The following MRPS27 variants were observed in gnomAD, a reference collection of about 807,000 sequenced individuals.
MRPS27 encodes small ribosomal subunit protein mS27.
MRPS27 carries 43 observed loss-of-function variants against 48.9 expected under a neutral mutation model. The observed-to-expected ratio is 0.88, with a 90% CI of 0.69 to 1.13. MRPS27 has a LOEUF of 1.13. Among genes scored for constraint, MRPS27 ranks in the 50% most tolerant of loss-of-function variants. The probability of loss-of-function intolerance (pLI) is 0.00; values close to 1 mark genes in which losing one functional copy is unlikely to be tolerated. For missense variants in MRPS27, 467 were observed against 476.3 expected (o/e 0.98, Z 0.18); for synonymous variants, 188 against 171.9 (o/e 1.09, Z -0.73).
intron 3 of MRPS27, among the ~76,000 whole-genome samples, chr5:72,296,075 C>T (rs896029911): frequency 1.3e-5 from 2 of 152,122 alleles, no homozygotes; most frequent in African/African-American, 4.8e-5. Context: ...TGATTTAGCT[C>T]TGCTATGCAA....
intron 5 of MRPS27, among the ~76,000 whole-genome samples, chr5:72,235,585 G>A (rs1052852583): frequency 6.6e-5 from 10 of 152,150 alleles, no homozygotes; most frequent in African/African-American, 2.4e-4. Context: ...TATGAGGAAG[G>A]CTATGCATGT....
chr5:72,299,337 G>C (rs1216546509), intron 2 of MRPS27, among the ~76,000 whole-genome samples: 1 of 151,788 alleles, frequency 6.6e-6, no homozygotes, highest in Admixed American at 6.6e-5. Context: ...AAAAGACCTG[G>C]GATGGGGAGG....
intron 4 of MRPS27, among the ~76,000 whole-genome samples, chr5:72,272,027 A>G (rs1042986326): frequency 6.6e-6 from 1 of 152,138 alleles, no homozygotes; most frequent in African/African-American, 2.4e-5. Context: ...CCTCTAAACA[A>G]ACAAACAAAC....
intron 3 of MRPS27, among the ~76,000 whole-genome samples, chr5:72,296,614 A>T (rs1749989095): frequency 6.6e-6 from 1 of 152,230 alleles, no homozygotes; most frequent in Admixed American, 6.5e-5. Context: ...AGTTTTACCC[A>T]TCATGTAAGG....
chr5:72,284,490 G>C (rs1476540433), intron 4 of MRPS27, among the ~76,000 whole-genome samples: 1 of 151,310 alleles, frequency 6.6e-6, no homozygotes, highest in East Asian at 1.9e-4. Flanking sequence ...GAGAGAGATG[G>C]AAAAAGAGAA....
intron 7 of MRPS27, among the ~76,000 whole-genome samples, chr5:72,232,238 C>T (rs568065352): frequency 2.0e-5 from 3 of 152,246 alleles, no homozygotes; most frequent in African/African-American, 7.2e-5. Flanking sequence ...AAAATATGCA[C>T]GAGGACTTTC....
At chr5:72,228,704 T>C (rs1747965339) in intron 7 of MRPS27, 1 of 195,338 alleles carries the variant, frequency 5.1e-6, no homozygotes, top group Non-Finnish European at 1.0e-5. Context: ...AAAACACAAA[T>C]AAAGAGTACA....
chr5:72,237,231 A>G (rs1748219879), intron 5 of MRPS27, among the ~76,000 whole-genome samples: 1 of 152,072 alleles, frequency 6.6e-6, no homozygotes, highest in Non-Finnish European at 1.5e-5. Flanking sequence ...ATTAAACTGT[A>G]AACTTCCTGA....
chr5:72,312,935 A>G (rs538579465), intron 2 of MRPS27, among the ~76,000 whole-genome samples: 11 of 152,150 alleles, frequency 7.2e-5, no homozygotes, highest in Non-Finnish European at 1.6e-4. Flanking sequence ...GGTTTTTAAA[A>G]CAGTAAGTAT....
chr5:72,237,524 T>C (rs1748230755), intron 5 of MRPS27, among the ~76,000 whole-genome samples: 1 of 152,184 alleles, frequency 6.6e-6, no homozygotes, highest in African/African-American at 2.4e-5. Context: ...AATAACATTC[T>C]AAACCTCTGT....
chr5:72,301,190 TG>T (rs1750118574), intron 2 of MRPS27, among the ~76,000 whole-genome samples: 1 of 152,206 alleles, frequency 6.6e-6, no homozygotes, highest in Admixed American at 6.5e-5. Context: ...CAGTACCTAC[TG>T]GGGGAAAACA....
intron 4 of MRPS27, among the ~76,000 whole-genome samples, chr5:72,243,662 CA>C (rs1748425471): frequency 6.6e-6 from 1 of 152,162 alleles, no homozygotes; most frequent in South Asian, 2.1e-4. Flanking sequence ...GAGTCCCCTC[CA>C]AAACACCTCT....
intron 8 of MRPS27, chr5:72,228,051 G>A (rs987238860): frequency 1.6e-5 from 9 of 570,612 alleles, no homozygotes; most frequent in Non-Finnish European, 2.8e-5. Context: ...ACCAGAACTA[G>A]TTCTTGCTTT....
rs1455787522 is a variant in MRPS27, at chr5:72,220,658, G to A, written c.*251C>T. 6 of 501,182 alleles carry A rather than the reference G, an allele frequency of 1.2e-5. No individual in the cohort carries two copies. 31.0% of individuals were successfully genotyped at this position (501,182 alleles called of 1,614,324 possible). On this transcript the variant is annotated 3_prime_UTR_variant, in exon 11 of 11. Coordinates refer to ENST00000261413, the MANE Select transcript of MRPS27 (RefSeq NM_015084.3). ...CCCTGTGCCCCAGGAACTCCATTAT[G>A]AGCCTCAAGAGTCCTCCTTAAGGTA...
intron 4 of MRPS27, among the ~76,000 whole-genome samples, chr5:72,258,805 G>C (rs1748884661): frequency 6.6e-6 from 1 of 152,160 alleles, no homozygotes; most frequent in South Asian, 2.1e-4. Context: ...CTCAGTCTCA[G>C]GCATTCTGTT....
At chr5:72,242,271 G>C (rs926276894) in intron 4 of MRPS27, among the ~76,000 whole-genome samples, 2 of 152,078 alleles carry the variant, frequency 1.3e-5, no homozygotes, top group African/African-American at 4.8e-5. Flanking sequence ...GAACTCTTAA[G>C]GGCATCTGCC....
Position 72,219,600 on chromosome 5 carries a change from C to G in MRPS27, c.*1309G>C, listed in dbSNP as rs1479760186. On this transcript the variant is annotated 3_prime_UTR_variant, in exon 11 of 11. Coordinates refer to ENST00000261413, the MANE Select transcript of MRPS27 (RefSeq NM_015084.3). ...TCTTGAATAAAATTACACCACTGTA[C>G]TTAAGGGCAACACTACATAGTAAGC... 1 of 152,186 alleles carries G rather than the reference C, an allele frequency of 6.6e-6. No homozygotes were observed. The highest frequency in any genetic ancestry group is 1.5e-5 in the Non-Finnish European group (1 of 68,026). 9.4% of individuals were successfully genotyped at this position (152,186 alleles called of 1,614,324 possible). A position where few individuals can be genotyped will look rare whatever the true frequency, so the allele number is the denominator to read the frequency against.
intron 4 of MRPS27, among the ~76,000 whole-genome samples, chr5:72,293,667 T>C (rs1263230394): frequency 6.6e-6 from 1 of 152,204 alleles, no homozygotes; most frequent in African/African-American, 2.4e-5. Context: ...GCGCACATAA[T>C]AGGTGCTCGG....
chr5:72,238,177 A>G (rs1748254750), intron 4 of MRPS27, 49 bp from the exon 5 acceptor site: 1 of 1,246,984 alleles, frequency 8.0e-7, no homozygotes, highest in South Asian at 1.2e-5. Context: ...CTTATATGTT[A>G]AAACACATCT....
Sources: gnomAD v4.1 joint callset for allele counts (sites outside exome capture counted in the v4.1 genomes callset) on GRCh38, gnomAD v4.1.1 for gene constraint, MANE v1.5 for transcripts, NCBI Gene and HGNC (gene_info 2026-07-23, HGNC 2026-07-21) for gene names.